The following TENM2 variants were observed in gnomAD, a reference collection of about 807,000 sequenced individuals.
TENM2 encodes teneurin transmembrane protein 2.
Under a neutral mutation model 245.2 loss-of-function variants are expected in TENM2, and 52 were observed. That is an observed-to-expected ratio of 0.21 (90% CI 0.17 to 0.27). The LOEUF (loss-of-function observed/expected upper bound fraction) is 0.27. Among genes scored for constraint, TENM2 ranks in the 10% least tolerant of loss-of-function variants. The pLI is 1.00. For synonymous variants in TENM2, 1,363 were observed against 1,438.9 expected (o/e 0.95, Z 1.19); for missense variants, 3,046 against 3,666.8 (o/e 0.83, Z 4.37).
the TENM2 span, among the ~76,000 whole-genome samples, chr5:167,078,456 C>T: frequency 6.6e-6 from 1 of 151,722 alleles, no homozygotes; most frequent in Admixed American, 6.6e-5. Flanking sequence ...GCACTCTAGC[C>T]TGGCCAACAA....
chr5:168,224,385 G>C (rs985104985), intron 23 of TENM2, among the ~76,000 whole-genome samples: 17 of 152,322 alleles, frequency 1.1e-4, no homozygotes, highest in Admixed American at 2.0e-4. Flanking sequence ...GCGGTGTACA[G>C]CTTAATGTGA....
chr5:167,332,190 A>G (rs553110983), intron 1 of TENM2, among the ~76,000 whole-genome samples: 122 of 152,254 alleles, frequency 8.0e-4, no homozygotes, highest in African/African-American at 2.8e-3. Flanking sequence ...TCTAGTCCAA[A>G]GTGTTGGGGC....
At chr5:167,114,998 G>A in the TENM2 span, among the ~76,000 whole-genome samples, 14 of 152,226 alleles carry the variant, frequency 9.2e-5, no homozygotes, top group Non-Finnish European at 1.6e-4. Context: ...AAGGGCATTA[G>A]CATCAGGTGA....
chr5:167,104,254 A>G, the TENM2 span, among the ~76,000 whole-genome samples: 2 of 151,970 alleles, frequency 1.3e-5, no homozygotes, highest in Non-Finnish European at 2.9e-5. Context: ...ATAATTGTGG[A>G]TGTGAAAAGA....
Position 168,232,990 on chromosome 5 carries a change from C to T in TENM2, c.5520+4860C>T, listed in dbSNP as rs550222917. ...TTGAAAGAGTCCTCCCCCTCCTTCCCGCATTGTCCTCCATTCCTTTCTTCA... is the reference window on the plus strand; with the variant it reads ...TTGAAAGAGTCCTCCCCCTCCTTCCTGCATTGTCCTCCATTCCTTTCTTCA... On this transcript the variant is annotated intron_variant, in intron 25 of 28. Transcript: ENST00000518659. 3.3e-5 allele frequency among the ~76,000 whole-genome samples: 5 copies of T among 152,298 alleles called. No individual in the cohort carries two copies. In the East Asian group the frequency reaches 5.8e-4, roughly 18 times the overall value.
chr5:168,065,574 T>G (rs1008412085), intron 7 of TENM2, among the ~76,000 whole-genome samples: 4 of 152,190 alleles, frequency 2.6e-5, no homozygotes, highest in Non-Finnish European at 5.9e-5. Flanking sequence ...AGAATTTATG[T>G]GTAGCCCTGG....
chr5:167,342,648 C>T (rs1007548835), intron 1 of TENM2, among the ~76,000 whole-genome samples: 8 of 150,792 alleles, frequency 5.3e-5, no homozygotes, highest in Admixed American at 2.6e-4. Flanking sequence ...CTGCCTCAGC[C>T]TCCCCAGTAG....
chr5:167,244,673 G>A, the TENM2 span, among the ~76,000 whole-genome samples: 1 of 152,200 alleles, frequency 6.6e-6, no homozygotes, highest in Non-Finnish European at 1.5e-5. Flanking sequence ...GGCATTCTGA[G>A]TGGATAAAAC....
intron 8 of TENM2, among the ~76,000 whole-genome samples, chr5:168,094,302 T>C (rs1581277431): frequency 1.3e-5 from 2 of 151,784 alleles, no homozygotes; most frequent in South Asian, 2.1e-4. Flanking sequence ...GCCTTTTCCA[T>C]GGGACTGTGG....
chr5:167,540,508 A>C (rs935990856), intron 2 of TENM2, among the ~76,000 whole-genome samples: 3 of 152,242 alleles, frequency 2.0e-5, no homozygotes, highest in African/African-American at 7.2e-5. Flanking sequence ...GCATATAGCC[A>C]TGCTCATTCG....
chr5:168,130,064 G>A (rs1462042623), intron 12 of TENM2: 4 of 152,180 alleles, frequency 2.6e-5, no homozygotes, highest in Non-Finnish European at 4.4e-5. Flanking sequence ...ATCAGTCCTT[G>A]TGGATTACAT....
At chr5:167,169,375 T>C in the TENM2 span, among the ~76,000 whole-genome samples, 1 of 152,184 alleles carries the variant, frequency 6.6e-6, no homozygotes, top group Non-Finnish European at 1.5e-5. Flanking sequence ...TCAGTATACA[T>C]TAAATATGAG....
In TENM2 at chr5:167,702,575, T is replaced by TAC. The variant is rs1554102879; in HGVS notation, c.503-173410_503-173409insCA. Reference sequence around the variant, plus strand: ...GTGTATATATATATATATATATACATATATATATATATTTCTTTACATAGT... The same window carrying TAC: ...GTGTATATATATATATATATATACATACATATATATATATTTCTTTACATAGT... On this transcript the variant is annotated intron_variant, in intron 2 of 28. Transcript: ENST00000518659. Among the ~76,000 whole-genome samples, 445 of 145,194 alleles carry TAC rather than the reference T, an allele frequency of 3.1e-3. 2 individuals carry two copies. The highest frequency in any genetic ancestry group is 0.011 in the African/African-American group (420 of 38,686).
intron 5 of TENM2, among the ~76,000 whole-genome samples, chr5:167,996,469 G>T (rs1481261631): frequency 6.6e-6 from 1 of 152,186 alleles, no homozygotes; most frequent in Non-Finnish European, 1.5e-5. Flanking sequence ...TGGTTTAGGA[G>T]AATTTTTCTG....
intron 3 of TENM2, among the ~76,000 whole-genome samples, chr5:167,894,055 C>A (rs964653036): frequency 2.0e-5 from 3 of 152,148 alleles, no homozygotes; most frequent in African/African-American, 7.2e-5. Flanking sequence ...ATGCATCTAC[C>A]AAACCTCTTT....
At chr5:167,950,032 T>C (rs2151826919) in intron 3 of TENM2, among the ~76,000 whole-genome samples, 1 of 152,188 alleles carries the variant, frequency 6.6e-6, no homozygotes, top group East Asian at 1.9e-4. Context: ...TCTTGCTTTA[T>C]AGGAGGGCTG....
chr5:168,041,092 C>T (rs1322403500), intron 5 of TENM2, among the ~76,000 whole-genome samples: 4 of 152,140 alleles, frequency 2.6e-5, no homozygotes, highest in Non-Finnish European at 5.9e-5. Flanking sequence ...ACTTGGAAAC[C>T]TCAGAGGGCC....
chr5:167,521,616 C>T (rs898325313), intron 2 of TENM2, among the ~76,000 whole-genome samples: 1 of 152,072 alleles, frequency 6.6e-6, no homozygotes, highest in Non-Finnish European at 1.5e-5. Flanking sequence ...TTACAGAAAT[C>T]CTTATTATTT....
At chr5:166,995,814 C>CAAAAAA in the TENM2 span, among the ~76,000 whole-genome samples, 5 of 59,244 alleles carry the variant, frequency 8.4e-5, no homozygotes, top group East Asian at 5.7e-4. Context: ...GACTCCATCT[C>CAAAAAA]AAAAAAAAAA....
Sources: allele counts gnomAD v4.1 joint callset (sites outside exome capture counted in the v4.1 genomes callset), GRCh38; gene constraint gnomAD v4.1.1; transcripts MANE v1.5; gene names NCBI Gene and HGNC (gene_info 2026-07-23, HGNC 2026-07-21).